NKAIN2: variants seen among roughly 807,000 people sequenced by gnomAD.
NKAIN2 encodes sodium/potassium-transporting ATPase subunit beta-1-interacting protein 2.
Under a neutral mutation model 32.6 loss-of-function variants are expected in NKAIN2, and 14 were observed. The ratio of observed to expected loss-of-function variants is 0.43; its 90% CI spans 0.28 to 0.67. The LOEUF is 0.67. NKAIN2 is among the 30% of genes least tolerant of loss of function. NKAIN2 has a pLI of 0.17. For synonymous variants in NKAIN2, 80 were observed against 87.2 expected, an observed-to-expected ratio of 0.92 and a Z score of 0.46; for missense variants, 198 against 258.3, an observed-to-expected ratio of 0.77 and a Z score of 1.60.
chr6:124,439,713 C>G (rs1775610267), intron 3 of NKAIN2, among the ~76,000 whole-genome samples: 1 of 151,352 alleles, frequency 6.6e-6, no homozygotes, highest in African/African-American at 2.4e-5. Context: ...GCCAATAAAA[C>G]AGTAACACAA....
At chr6:124,757,800 A>G (rs887884616) in intron 4 of NKAIN2, among the ~76,000 whole-genome samples, 11 of 152,178 alleles carry the variant, frequency 7.2e-5, no homozygotes, top group South Asian at 2.1e-4. Flanking sequence ...CCAGGACACT[A>G]AATTAAATAG....
rs529455226 is a variant in NKAIN2 at position 124,703,370 on chromosome 6, G to A, written c.474+44984G>A. Among the ~76,000 whole-genome samples, 7 of 152,076 alleles carry A rather than the reference G, an allele frequency of 4.6e-5. No homozygotes were observed. The East Asian group carries it at 5.8e-4, about 13-fold the overall frequency. On this transcript the variant is annotated intron_variant, in intron 4 of 6. Transcript: ENST00000368417. ...CTTTAAATCATGAGTACTGATTACC[G>A]CTTAGCATTGTTTCCTTACTTGGGC...
intron 1 of NKAIN2, among the ~76,000 whole-genome samples, chr6:124,021,164 C>T (rs1780845453): frequency 6.6e-6 from 1 of 151,968 alleles, no homozygotes; most frequent in African/African-American, 2.4e-5. Flanking sequence ...TTTTTCAACA[C>T]AGGGAAGCAT....
rs538033796 is a variant in NKAIN2 at position 124,378,929 on chromosome 6, AT to A, written c.273+23594del. Among the ~76,000 whole-genome samples, 528 of 138,926 alleles carry A rather than the reference AT, an allele frequency of 3.8e-3. 3 individuals carry two copies. The highest frequency in any genetic ancestry group is 0.021 in the East Asian group (98 of 4,674). 91.1% of individuals were successfully genotyped at this position (138,926 alleles called of 152,430 possible). A position where few individuals can be genotyped will look rare whatever the true frequency, so the allele number is the denominator to read the frequency against. Reference sequence around the variant, plus strand: ...ACAACGTAAAGAGACCTGACTCTACATTTTTTTTTTTTAATAGCTGGGCATG... The same window carrying A: ...ACAACGTAAAGAGACCTGACTCTACATTTTTTTTTTTAATAGCTGGGCATG... On this transcript the variant is annotated intron_variant, in intron 3 of 6. Transcript: ENST00000368417.
rs576847304 is a variant in NKAIN2 at position 124,781,659 on chromosome 6, C to G, written c.475-9680C>G. 4.6e-5 allele frequency among the ~76,000 whole-genome samples: 7 copies of G among 152,084 alleles called. No individual in the cohort carries two copies. The East Asian group carries it at 1.4e-3, about 29-fold the overall frequency. On this transcript the variant is annotated intron_variant, in intron 4 of 6. Transcript: ENST00000368417. ...TGAGGTTTATGACATTCTGTTTCAC[C>G]CTTGCATTGGCTATGAGCTACGTAG...
intron 5 of NKAIN2, among the ~76,000 whole-genome samples, chr6:124,794,568 A>T (rs1386292327): frequency 6.6e-6 from 1 of 152,176 alleles, no homozygotes; most frequent in Non-Finnish European, 1.5e-5. Flanking sequence ...ACGTTTTATC[A>T]TGTTAGTCTT....
chr6:123,804,594 C>T (rs1434879162), intron 1 of NKAIN2, among the ~76,000 whole-genome samples: 1 of 152,172 alleles, frequency 6.6e-6, no homozygotes, highest in East Asian at 1.9e-4. Flanking sequence ...CTACAATTTA[C>T]CGTACAGGTT....
At chr6:124,439,339 C>T (rs887520802) in intron 3 of NKAIN2, among the ~76,000 whole-genome samples, 19 of 148,298 alleles carry the variant, frequency 1.3e-4, no homozygotes, top group Non-Finnish European at 2.4e-4. Flanking sequence ...TCTCAAATCT[C>T]TCAATCTATC....
intron 1 of NKAIN2, among the ~76,000 whole-genome samples, chr6:124,073,666 G>A (rs901423490): frequency 1.3e-5 from 2 of 152,028 alleles, no homozygotes; most frequent in African/African-American, 4.8e-5. Context: ...ACCCTTCTAA[G>A]TTATTTTCAG....
intron 1 of NKAIN2, among the ~76,000 whole-genome samples, chr6:123,839,226 C>T (rs1393561929): frequency 1.4e-5 from 2 of 142,472 alleles, no homozygotes; most frequent in Admixed American, 1.4e-4. Context: ...CCTAAACACT[C>T]CAAAAAAAAA....
chr6:124,242,036 G>A (rs1793129080), intron 1 of NKAIN2, among the ~76,000 whole-genome samples: 1 of 151,970 alleles, frequency 6.6e-6, no homozygotes. Context: ...GGCAACAAAA[G>A]TCAAAATTGA....
intron 1 of NKAIN2, among the ~76,000 whole-genome samples, chr6:124,017,379 T>C (rs972575762): frequency 6.6e-6 from 1 of 152,146 alleles, no homozygotes; most frequent in East Asian, 1.9e-4. Flanking sequence ...CCAAATCTTA[T>C]GTGCTCACAT....
intron 4 of NKAIN2, among the ~76,000 whole-genome samples, chr6:124,701,153 G>GCACACACACACACACA (rs60670238): frequency 2.9e-4 from 38 of 132,112 alleles, no homozygotes; most frequent in African/African-American, 9.7e-4. Context: ...ACACACACAC[G>GCACACACACACACACA]CACACACACA....
chr6:123,885,681 A>G (rs868723321), intron 1 of NKAIN2, among the ~76,000 whole-genome samples: 45 of 152,218 alleles, frequency 3.0e-4, no homozygotes, highest in Middle Eastern at 6.8e-3. Flanking sequence ...AGGAAGTACA[A>G]GAAAGAGATT....
At chr6:124,530,006 C>T (rs1478505588) in intron 3 of NKAIN2, among the ~76,000 whole-genome samples, 6 of 152,090 alleles carry the variant, frequency 3.9e-5, no homozygotes, top group Non-Finnish European at 8.8e-5. Flanking sequence ...AAGAAGAGGC[C>T]AGAGAGCTAG....
intron 2 of NKAIN2, among the ~76,000 whole-genome samples, chr6:124,347,674 T>A (rs1459029557): frequency 2.6e-5 from 4 of 152,240 alleles, no homozygotes; most frequent in African/African-American, 4.8e-5. Context: ...GAGCCTTGGC[T>A]TTCAGCTCCA....
At chr6:124,469,798 A>G (rs1165811550) in intron 3 of NKAIN2, among the ~76,000 whole-genome samples, 1 of 152,102 alleles carries the variant, frequency 6.6e-6, no homozygotes, top group Non-Finnish European at 1.5e-5. Flanking sequence ...GATGACATGT[A>G]TTTTCCATCC....
intron 3 of NKAIN2, among the ~76,000 whole-genome samples, chr6:124,420,656 ATC>A (rs1254606418): frequency 4.6e-5 from 7 of 152,158 alleles, no homozygotes; most frequent in Non-Finnish European, 1.0e-4. Flanking sequence ...TTCCAACATT[ATC>A]CCAGATTGTT....
intron 1 of NKAIN2, among the ~76,000 whole-genome samples, chr6:123,956,839 A>G (rs922658841): frequency 3.3e-5 from 5 of 152,216 alleles, no homozygotes; most frequent in African/African-American, 9.6e-5. Context: ...CCTCTCTGTG[A>G]ATCAGTGCAA....
Sources: gnomAD v4.1 joint callset for allele counts (sites outside exome capture counted in the v4.1 genomes callset) on GRCh38, gnomAD v4.1.1 for gene constraint, MANE v1.5 for transcripts, NCBI Gene and HGNC (gene_info 2026-07-23, HGNC 2026-07-21) for gene names.